The following SERF1B variants were observed in gnomAD, a reference collection of about 807,000 sequenced individuals.
SERF1B encodes the protein small EDRK-rich factor 1B, also known as small EDRK-rich factor 1.
At chr5:70,036,315 A>C (rs886292888) in intron 2 of SERF1B, among the ~76,000 whole-genome samples, 3 of 61,468 alleles carry the variant, frequency 4.9e-5, no homozygotes, top group African/African-American at 2.7e-4. Context: ...GGCTGGGCAC[A>C]ATAGCTCACG....
intron 2 of SERF1B, among the ~76,000 whole-genome samples, chr5:70,036,629 A>ACACTCTCTCTCTCTCTCTCTCT (rs763495681): frequency 5.2e-4 from 26 of 49,886 alleles, no homozygotes; most frequent in Non-Finnish European, 8.4e-4. Context: ...ACACACACAC[A>ACACTCTCTCTCTCTCTCTCTCT]CTCTCTCTCT....
At chr5:70,037,721 G>A (rs1774213166) in intron 2 of SERF1B, among the ~76,000 whole-genome samples, 1 of 112,000 alleles carries the variant, frequency 8.9e-6, no homozygotes, top group Non-Finnish European at 1.7e-5. Context: ...TTGGGAGGCT[G>A]AGGCTGAGGT....
chr5:70,041,364 A>G (rs1310263496), intron 2 of SERF1B, among the ~76,000 whole-genome samples, 160 bp from the exon 3 acceptor site: 6 of 150,594 alleles, frequency 4.0e-5, no homozygotes, highest in Non-Finnish European at 7.4e-5. Context: ...GAACTAACCA[A>G]TGTTAATAAT....
chr5:70,036,825 GC>G (rs1774196928), intron 2 of SERF1B, among the ~76,000 whole-genome samples: 1 of 76,918 alleles, frequency 1.3e-5, no homozygotes, highest in Non-Finnish European at 2.4e-5. Flanking sequence ...TTTAGAGATG[GC>G]CAAGTCATAA....
intron 2 of SERF1B, among the ~76,000 whole-genome samples, chr5:70,038,116 T>C (rs960945776): frequency 3.5e-5 from 5 of 142,562 alleles, no homozygotes; most frequent in African/African-American, 1.3e-4. Flanking sequence ...AAAAGAAATT[T>C]ACCTACCAGC....
intron 2 of SERF1B, among the ~76,000 whole-genome samples, chr5:70,038,255 T>A (rs1431009556): frequency 2.0e-5 from 3 of 150,212 alleles, no homozygotes; most frequent in African/African-American, 7.4e-5. Flanking sequence ...AAGGGGGCTG[T>A]TAGGGTAGCT....
intron 2 of SERF1B, among the ~76,000 whole-genome samples, chr5:70,028,974 CAA>C (rs769578181): frequency 6.9e-6 from 1 of 145,776 alleles, no homozygotes; most frequent in South Asian, 2.2e-4. Context: ...GAGACTCCGT[CAA>C]AAAAAAAAAA....
chr5:70,029,361 A>G (rs1431985402), intron 2 of SERF1B, among the ~76,000 whole-genome samples: 1 of 150,874 alleles, frequency 6.6e-6, no homozygotes, highest in African/African-American at 2.4e-5. Flanking sequence ...GTCTCAAACT[A>G]CTGACCTCAA....
intron 2 of SERF1B, among the ~76,000 whole-genome samples, chr5:70,029,514 C>T (rs1188602737): frequency 1.4e-5 from 2 of 147,188 alleles, no homozygotes; most frequent in African/African-American, 5.1e-5. Flanking sequence ...GCACAACGTG[C>T]AGGTTTGTTA....
chr5:70,029,152 T>A (rs1402580336), intron 2 of SERF1B, among the ~76,000 whole-genome samples: 3 of 151,430 alleles, frequency 2.0e-5, no homozygotes, highest in Non-Finnish European at 4.4e-5. Flanking sequence ...TTTTTTTTTT[T>A]AAAGGCAGAG....
At chr5:70,038,289 G>A (rs984490716) in intron 2 of SERF1B, among the ~76,000 whole-genome samples, 1 of 146,520 alleles carries the variant, frequency 6.8e-6, no homozygotes, top group African/African-American at 2.6e-5. Flanking sequence ...TTCATACAGA[G>A]TTACGTATTT....
intron 2 of SERF1B, among the ~76,000 whole-genome samples, chr5:70,036,632 C>G (rs1177017601): frequency 7.8e-6 from 1 of 127,758 alleles, no homozygotes; most frequent in Non-Finnish European, 1.6e-5. Flanking sequence ...CACACACACT[C>G]TCTCTCTCTC....
At chr5:70,028,985 A>C (rs1473124300) in intron 2 of SERF1B, among the ~76,000 whole-genome samples, 1 of 152,156 alleles carries the variant, frequency 6.6e-6, no homozygotes, top group East Asian at 1.9e-4. Context: ...AAAAAAAAAA[A>C]ACCTTTATGT....
chr5:70,028,942 A>G (rs559133977), intron 2 of SERF1B, among the ~76,000 whole-genome samples: 94 of 149,856 alleles, frequency 6.3e-4, no homozygotes, highest in African/African-American at 2.2e-3. Context: ...GCGCCACCGC[A>G]CTCCAGCCTG....
At chr5:70,041,317 ACT>A (rs1186550880) in intron 2 of SERF1B, among the ~76,000 whole-genome samples, 2 of 147,072 alleles carry the variant, frequency 1.4e-5, no homozygotes. Flanking sequence ...ACACACGTAT[ACT>A]CTCTCAGCCT....
At chr5:70,041,348 TCCCCTGAA>T (rs1774254257) in intron 2 of SERF1B, among the ~76,000 whole-genome samples, 168 bp from the exon 3 acceptor site, 2 of 148,028 alleles carry the variant, frequency 1.4e-5, no homozygotes, top group South Asian at 4.2e-4. Context: ...CCAGTCCCAT[TCCCCTGAA>T]CTAACCAATG....
chr5:70,036,629 A>ACACACACACTCTCTCTCT (rs763495681), intron 2 of SERF1B, among the ~76,000 whole-genome samples: 4 of 49,880 alleles, frequency 8.0e-5, no homozygotes, highest in African/African-American at 2.7e-4. Context: ...ACACACACAC[A>ACACACACACTCTCTCTCT]CTCTCTCTCT....
At chr5:70,041,300 T>C (rs1450362116) in intron 2 of SERF1B, among the ~76,000 whole-genome samples, 1 of 147,984 alleles carries the variant, frequency 6.8e-6, no homozygotes, top group Non-Finnish European at 1.5e-5. Flanking sequence ...ACACTCAATT[T>C]ATATACACAC....
chr5:70,036,629 A>ACTCTCTCTCTCT (rs1554065559), intron 2 of SERF1B, among the ~76,000 whole-genome samples: 2,274 of 49,962 alleles, frequency 0.046, 51 homozygotes, highest in Non-Finnish European at 0.055. Context: ...ACACACACAC[A>ACTCTCTCTCTCT]CTCTCTCTCT....
Sources: gnomAD v4.1 joint callset for allele counts (sites outside exome capture counted in the v4.1 genomes callset) on GRCh38, gnomAD v4.1.1 for gene constraint, MANE v1.5 for transcripts, NCBI Gene and HGNC (gene_info 2026-07-23, HGNC 2026-07-21) for gene names.